PUM3: variants seen among roughly 807,000 people sequenced by gnomAD.
The protein encoded by PUM3 is pumilio RNA binding family member 3, also known as pumilio homolog 3.
A neutral mutation model predicts 84.0 loss-of-function variants in PUM3; 91 were observed. The ratio of observed to expected loss-of-function variants is 1.08; its 90% CI spans 0.91 to 1.29. PUM3 has a LOEUF of 1.29. Among genes scored for constraint, PUM3 ranks in the 50% most tolerant of loss-of-function variants. The probability of loss-of-function intolerance (pLI) is 0.00; values close to 1 mark genes in which losing one functional copy is unlikely to be tolerated. For synonymous variants in PUM3, 321 were observed against 266.7 expected (o/e 1.20, Z -1.98); for missense variants, 1,067 against 767.5 (o/e 1.39, Z -4.61).
chr9:2,824,249 T>A (rs912051896), intron 11 of PUM3, among the ~76,000 whole-genome samples: 3 of 152,214 alleles, frequency 2.0e-5, no homozygotes, highest in African/African-American at 7.2e-5. Flanking sequence ...AAAGGCAGAA[T>A]TATGCTGACC....
chr9:2,822,794 A>C (rs1405543189), intron 12 of PUM3, among the ~76,000 whole-genome samples: 2 of 149,396 alleles, frequency 1.3e-5, no homozygotes, highest in Non-Finnish European at 3.0e-5. Context: ...ATTATGAAAT[A>C]TATATGAATA....
At chr9:2,836,945 A>G (rs2129882736) in intron 3 of PUM3, among the ~76,000 whole-genome samples, 1 of 152,344 alleles carries the variant, frequency 6.6e-6, no homozygotes, top group Non-Finnish European at 1.5e-5. Context: ...AGCCATTATA[A>G]TTTAACTTAA....
At position 2,812,288 on chromosome 9, in the gene PUM3, G is replaced by C. The variant is rs1260477679; in HGVS notation, c.1344C>G (p.Pro448=). ...CTCGTACTGTATGTGCAGGATCTCTGGGGCTTAGTAAGTACAATAGGACCT... is the reference window on the plus strand; with the variant it reads ...CTCGTACTGTATGTGCAGGATCTCTCGGGCTTAGTAAGTACAATAGGACCT... ...GRKVLLYLLS[P]RDPAHTVREI... Residue 448 remains proline (P), a synonymous_variant, in exon 14 of 18, where the codon CCC becomes CCG. Transcript: ENST00000397885. The C allele has an allele frequency of 6.2e-7, 1 of 1,610,956 alleles. No homozygotes were observed. Among genetic ancestry groups the C allele is most frequent in the Admixed American group, 1.7e-5 (1 of 60,004 alleles).
chr9:2,842,193 T>G (rs539211492), intron 1 of PUM3, among the ~76,000 whole-genome samples: 1 of 152,194 alleles, frequency 6.6e-6, no homozygotes, highest in Non-Finnish European at 1.5e-5. Context: ...CAATAGTGTC[T>G]CTTGGAATTC....
intron 13 of PUM3, among the ~76,000 whole-genome samples, chr9:2,816,050 G>A (rs1326706014): frequency 6.6e-6 from 1 of 152,204 alleles, no homozygotes; most frequent in Admixed American, 6.5e-5. Context: ...CACACATGAA[G>A]TAGGGTTAAG....
At position 2,812,368 on chromosome 9, in the gene PUM3, A is replaced by C. The variant is rs1821392632; in HGVS notation, c.1270-6T>G. 2.0e-6 allele frequency: 3 copies of C among 1,538,444 alleles called. No homozygotes were observed. Among genetic ancestry groups the C allele is most frequent in the African/African-American group, 1.4e-5 (1 of 72,046 alleles). Reference sequence around the variant, plus strand: ...GGCAATGAACTGATAATTTCCTATAAAATTATAAACAAAAAAAAAGAATCA... The same window carrying C: ...GGCAATGAACTGATAATTTCCTATACAATTATAAACAAAAAAAAAGAATCA... On this transcript the variant is annotated splice_polypyrimidine_tract_variant and splice_region_variant and intron_variant, in intron 13 of 17. Coordinates refer to ENST00000397885, the MANE Select transcript of PUM3 (RefSeq NM_014878.5).
chr9:2,820,200 T>TAA, intron 12 of PUM3, 102 bp from the exon 13 acceptor site: 30 of 208,156 alleles, frequency 1.4e-4, no homozygotes, highest in Middle Eastern at 1.6e-3. Context: ...GAGACTCCGC[T>TAA]CAAAAAAAAA....
rs1481849938 is a variant in PUM3 at position 2,810,501 on chromosome 9, A to G, written c.1636-70T>C. The G allele has an allele frequency of 2.8e-6, 3 of 1,057,904 alleles. No homozygotes were observed. The African/African-American group carries it at 4.8e-5, about 17-fold the overall frequency. 65.5% of individuals were successfully genotyped at this position (1,057,904 alleles called of 1,614,324 possible). ...CATACAAATACATTTGAATGAATAC[A>G]TACTATTTATGCCACCACATACAGA... On this transcript the variant is annotated intron_variant, in intron 15 of 17. Transcript: ENST00000397885.
At chr9:2,810,901 T>A (rs1191593720) in intron 15 of PUM3, among the ~76,000 whole-genome samples, 1 of 152,200 alleles carries the variant, frequency 6.6e-6, no homozygotes, top group Non-Finnish European at 1.5e-5. Flanking sequence ...CAGCTCAACC[T>A]TACTCCTCTT....
chr9:2,815,167 T>C (rs1194092890), intron 13 of PUM3, among the ~76,000 whole-genome samples: 1 of 152,234 alleles, frequency 6.6e-6, no homozygotes, highest in African/African-American at 2.4e-5. Context: ...AAAGAATGCA[T>C]GTTTATAAAT....
chr9:2,812,160 A>G, intron 14 of PUM3, 60 bp downstream of exon 14: 3 of 1,430,954 alleles, frequency 2.1e-6, no homozygotes, highest in Non-Finnish European at 2.9e-6. Context: ...CTTCTGGAAG[A>G]ATGCACTACT....
At chr9:2,840,523 T>C (rs1488445225) in intron 1 of PUM3, among the ~76,000 whole-genome samples, 1 of 152,266 alleles carries the variant, frequency 6.6e-6, no homozygotes, top group Non-Finnish European at 1.5e-5. Flanking sequence ...CTATTTCTCT[T>C]ATTACTTTTG....
At chr9:2,829,079 C>A (rs1815903477) in intron 8 of PUM3, among the ~76,000 whole-genome samples, 1 of 152,186 alleles carries the variant, frequency 6.6e-6, no homozygotes, top group African/African-American at 2.4e-5. Flanking sequence ...CAAATTCTTG[C>A]CACCATATGT....
Position 2,837,299 on chromosome 9 carries a change from T to A in PUM3, c.185A>T (p.Lys62Ile), listed in dbSNP as rs1816152092. The change falls in exon 3 of 18, where the codon AAA becomes ATA. Residue 62 changes from lysine to isoleucine, a missense_variant. Transcript: ENST00000397885. ...ATTCTTGAACTGCTTTACACCCTTT[T>A]TCCCAAGTTTTGTGATACTTTTCTC... is the stretch of plus-strand genomic sequence containing the variant. ...NFEKSITKLG[K>I]KGVKQFKNKQ... The A allele has an allele frequency of 5.6e-6, 9 of 1,614,136 alleles. No individual in the cohort carries two copies. Among genetic ancestry groups the A allele is most frequent in the Non-Finnish European group, 7.6e-6 (9 of 1,179,984 alleles).
chr9:2,810,031 T>G (rs993380453), intron 16 of PUM3, among the ~76,000 whole-genome samples: 7 of 150,608 alleles, frequency 4.6e-5, no homozygotes, highest in Non-Finnish European at 1.0e-4. Flanking sequence ...GAATGGCATT[T>G]TAAGGCATTG....
At chr9:2,810,659 C>T (rs1409987166) in intron 15 of PUM3, among the ~76,000 whole-genome samples, 1 of 152,194 alleles carries the variant, frequency 6.6e-6, no homozygotes, top group Admixed American at 6.5e-5. Context: ...AACACAGCCA[C>T]GGCACAGCGC....
At chr9:2,814,444 T>G (rs1821432161) in intron 13 of PUM3, among the ~76,000 whole-genome samples, 1 of 152,002 alleles carries the variant, frequency 6.6e-6, no homozygotes, top group Admixed American at 6.6e-5. Flanking sequence ...CTCCTAACCT[T>G]AGGTGATCCA....
At chr9:2,837,961 T>G (rs1041389278) in intron 2 of PUM3, among the ~76,000 whole-genome samples, 1 of 152,152 alleles carries the variant, frequency 6.6e-6, no homozygotes, top group African/African-American at 2.4e-5. Flanking sequence ...ACCTAACAAA[T>G]GAGATGCAAA....
At chr9:2,817,427 T>C (rs1433240994) in intron 13 of PUM3, among the ~76,000 whole-genome samples, 1 of 152,156 alleles carries the variant, frequency 6.6e-6, no homozygotes, top group African/African-American at 2.4e-5. Flanking sequence ...GATAGGACCA[T>C]ATATACCCCA....
Sources: allele counts gnomAD v4.1 joint callset (sites outside exome capture counted in the v4.1 genomes callset), GRCh38; gene constraint gnomAD v4.1.1; transcripts MANE v1.5; gene names NCBI Gene and HGNC (gene_info 2026-07-23, HGNC 2026-07-21).